The following TNIK variants were observed in gnomAD, a reference collection of about 807,000 sequenced individuals.
The protein encoded by TNIK is TRAF2 and NCK-interacting protein kinase.
A neutral mutation model predicts 191.3 loss-of-function variants in TNIK; 49 were observed. That is an observed-to-expected ratio of 0.26 (90% CI 0.20 to 0.32). TNIK has a LOEUF of 0.32. Ranked by LOEUF, TNIK falls within the 10% of genes least tolerant of loss-of-function variation. TNIK has a pLI of 1.00. For missense variants in TNIK, 1,155 were observed against 1,702.3 expected, an observed-to-expected ratio of 0.68 and a Z score of 5.66; for synonymous variants, 594 against 600.9, an observed-to-expected ratio of 0.99 and a Z score of 0.17.
At chr3:171,400,870 T>C (rs1278097041) in intron 1 of TNIK, among the ~76,000 whole-genome samples, 2 of 152,154 alleles carry the variant, frequency 1.3e-5, no homozygotes, top group Non-Finnish European at 2.9e-5. Context: ...CTTCTACTGG[T>C]GCTGATGATC....
chr3:171,301,816 T>C (rs941492115), intron 2 of TNIK, among the ~76,000 whole-genome samples: 10 of 152,216 alleles, frequency 6.6e-5, no homozygotes, highest in Admixed American at 2.6e-4. Flanking sequence ...GCATATTGTA[T>C]TGGTGTCAAA....
intron 2 of TNIK, among the ~76,000 whole-genome samples, chr3:171,229,877 G>T (rs549785899): frequency 6.6e-6 from 1 of 152,126 alleles, no homozygotes; most frequent in African/African-American, 2.4e-5. Context: ...TCCTGAAATC[G>T]AGGGAGAGGA....
At chr3:171,212,817 G>A (rs951027800) in intron 3 of TNIK, among the ~76,000 whole-genome samples, 27 of 152,184 alleles carry the variant, frequency 1.8e-4, no homozygotes, top group African/African-American at 6.5e-4. Flanking sequence ...GGTAAGAATA[G>A]AGTGAGGAGA....
chr3:171,179,695 C>G (rs1736416242), intron 7 of TNIK, among the ~76,000 whole-genome samples: 1 of 152,156 alleles, frequency 6.6e-6, no homozygotes, highest in African/African-American at 2.4e-5. Flanking sequence ...CGTGATCCAC[C>G]TGCCTCAGCC....
chr3:171,351,083 G>C (rs966765177), intron 2 of TNIK, among the ~76,000 whole-genome samples: 13 of 152,050 alleles, frequency 8.5e-5, no homozygotes, highest in African/African-American at 3.1e-4. Flanking sequence ...TAGAGATGAC[G>C]TTTCACTATG....
chr3:171,449,990 G>A (rs1396311792), intron 1 of TNIK, among the ~76,000 whole-genome samples: 3 of 151,496 alleles, frequency 2.0e-5, no homozygotes, highest in South Asian at 4.2e-4. Flanking sequence ...CAGCCAACAC[G>A]GTGCCACTGC....
At chr3:171,321,573 G>A (rs368900163) in intron 2 of TNIK, among the ~76,000 whole-genome samples, 36 of 152,188 alleles carry the variant, frequency 2.4e-4, no homozygotes, top group African/African-American at 8.7e-4. Flanking sequence ...ATTATTCAAG[G>A]AATTCTCTGC....
At chr3:171,182,467 A>T (rs751488636) in intron 7 of TNIK, among the ~76,000 whole-genome samples, 1 of 152,104 alleles carries the variant, frequency 6.6e-6, no homozygotes, top group Non-Finnish European at 1.5e-5. Context: ...TCAGAAAGAG[A>T]TAAGTTTCGT....
intron 1 of TNIK, among the ~76,000 whole-genome samples, chr3:171,451,629 C>T (rs1038311900): frequency 2.6e-5 from 4 of 152,148 alleles, no homozygotes; most frequent in East Asian, 1.9e-4. Context: ...ATTTCTGACA[C>T]GGAGAACTAC....
At chr3:171,240,647 C>T (rs1157480652) in intron 2 of TNIK, among the ~76,000 whole-genome samples, 2 of 152,186 alleles carry the variant, frequency 1.3e-5, no homozygotes, top group Admixed American at 1.3e-4. Context: ...TCTCTTCCTT[C>T]TGCCACACTT....
At chr3:171,428,139 G>C (rs867029984) in intron 1 of TNIK, among the ~76,000 whole-genome samples, 4 of 152,152 alleles carry the variant, frequency 2.6e-5, no homozygotes, top group Non-Finnish European at 5.9e-5. Context: ...GCTTTATTAG[G>C]ATCACTTTAG....
At chr3:171,235,723 A>G (rs538073726) in intron 2 of TNIK, among the ~76,000 whole-genome samples, 21 of 150,686 alleles carry the variant, frequency 1.4e-4, no homozygotes, top group African/African-American at 4.4e-4. Flanking sequence ...GTTAACAACC[A>G]TATGTTTTTG....
At chr3:171,204,405 C>T (rs1739809609) in intron 4 of TNIK, among the ~76,000 whole-genome samples, 2 of 152,210 alleles carry the variant, frequency 1.3e-5, no homozygotes, top group South Asian at 4.1e-4. Context: ...ATATGCAAAC[C>T]TGTCCTCCAG....
chr3:171,334,060 G>A (rs1756702269), intron 2 of TNIK, among the ~76,000 whole-genome samples: 2 of 152,114 alleles, frequency 1.3e-5, no homozygotes, highest in African/African-American at 4.8e-5. Context: ...ACCAACAAAA[G>A]TATCTGACTG....
At chr3:171,176,942 T>C (rs1456842189) in intron 8 of TNIK, among the ~76,000 whole-genome samples, 1 of 152,250 alleles carries the variant, frequency 6.6e-6, no homozygotes, top group African/African-American at 2.4e-5. Context: ...GTGGAGTCTT[T>C]GTATAACCTG....
At chr3:171,424,071 T>C (rs1295871739) in intron 1 of TNIK, among the ~76,000 whole-genome samples, 3 of 152,162 alleles carry the variant, frequency 2.0e-5, no homozygotes, top group African/African-American at 7.2e-5. Flanking sequence ...AGAAAATTTT[T>C]GCAATCTACT....
chr3:171,427,088 T>C (rs1264271935), intron 1 of TNIK, among the ~76,000 whole-genome samples: 2 of 152,166 alleles, frequency 1.3e-5, no homozygotes, highest in African/African-American at 4.8e-5. Context: ...AACATCCTTT[T>C]GTTAGTTGAT....
chr3:171,182,687 C>CAGCTG, intron 7 of TNIK, among the ~76,000 whole-genome samples: 1 of 152,296 alleles, frequency 6.6e-6, no homozygotes, highest in South Asian at 2.1e-4. Flanking sequence ...AGCTGATACA[C>CAGCTG]AAGCAACTTG....
At chr3:171,367,904 C>T (rs1029928898) in intron 2 of TNIK, among the ~76,000 whole-genome samples, 2 of 152,186 alleles carry the variant, frequency 1.3e-5, no homozygotes, top group African/African-American at 2.4e-5. Context: ...CATGACCATT[C>T]TTTGCAGAAT....
Sources: gnomAD v4.1 joint callset for allele counts (sites outside exome capture counted in the v4.1 genomes callset) on GRCh38, gnomAD v4.1.1 for gene constraint, MANE v1.5 for transcripts, NCBI Gene and HGNC (gene_info 2026-07-23, HGNC 2026-07-21) for gene names.